Variants in ZNF385D observed in about 807,000 individuals in gnomAD.
ZNF385D encodes zinc finger protein 385D, also known as zinc finger protein 659.
In ZNF385D, 15 loss-of-function variants were observed where a neutral mutation model predicts 35.8. The observed-to-expected ratio is 0.42, with a 90% confidence interval of 0.28 to 0.64. ZNF385D has a LOEUF of 0.64. Ranked by LOEUF, ZNF385D falls within the 30% of genes least tolerant of loss-of-function variation. The probability of loss-of-function intolerance (pLI) is 0.23; values close to 1 mark genes in which losing one functional copy is unlikely to be tolerated. For synonymous variants in ZNF385D, 212 were observed against 186.8 expected (o/e 1.13, Z -1.10); for missense variants, 474 against 494.6 (o/e 0.96, Z 0.39).
chr3:21,674,911 GATGGATGGATGGATGGATGGATGC>G (rs1453670896), intron 1 of ZNF385D, among the ~76,000 whole-genome samples: 5 of 150,484 alleles, frequency 3.3e-5, no homozygotes, highest in African/African-American at 1.2e-4. Flanking sequence ...TGGATGGATG[GATGGATGGATGGATGGATGGATGC>G]ATGGATGGAT....
At chr3:21,495,221 G>A (rs1705739050) in intron 4 of ZNF385D, among the ~76,000 whole-genome samples, 1 of 151,518 alleles carries the variant, frequency 6.6e-6, no homozygotes, top group Admixed American at 6.6e-5. Flanking sequence ...TGAAGGGTAA[G>A]AATGATTTTT....
At chr3:22,042,722 G>C (rs1246933640) in intron 3 of ZNF385D, among the ~76,000 whole-genome samples, 3 of 152,000 alleles carry the variant, frequency 2.0e-5, no homozygotes, top group Admixed American at 6.6e-5. Context: ...GTATTGGCCA[G>C]AACTAAGTAA....
intron 2 of ZNF385D, among the ~76,000 whole-genome samples, chr3:21,588,325 A>G (rs2063872550): frequency 6.6e-6 from 1 of 152,170 alleles, no homozygotes. Flanking sequence ...TAAGACTTTC[A>G]TCTCATAGCT....
intron 3 of ZNF385D, among the ~76,000 whole-genome samples, chr3:22,049,383 G>A (rs1699207496): frequency 6.6e-6 from 1 of 151,870 alleles, no homozygotes; most frequent in Non-Finnish European, 1.5e-5. Flanking sequence ...CAACTTTACT[G>A]TAGTTGTTTA....
intron 2 of ZNF385D, among the ~76,000 whole-genome samples, chr3:21,617,245 A>C (rs1189595117): frequency 6.6e-6 from 1 of 152,222 alleles, no homozygotes; most frequent in East Asian, 1.9e-4. Context: ...TCATGTGCTC[A>C]AAACAATAAC....
intron 3 of ZNF385D, among the ~76,000 whole-genome samples, chr3:21,992,599 G>A (rs933081999): frequency 6.6e-6 from 1 of 152,138 alleles, no homozygotes; most frequent in Non-Finnish European, 1.5e-5. Flanking sequence ...TTAATAGTTT[G>A]TGATGAAGAT....
intron 3 of ZNF385D, among the ~76,000 whole-genome samples, chr3:21,982,063 T>A (rs376373075): frequency 1.4e-5 from 2 of 147,704 alleles, no homozygotes; most frequent in African/African-American, 2.5e-5. Flanking sequence ...TTTGGTTCCA[T>A]TTGAATTTTA....
At chr3:22,289,997 T>C (rs1432544805) in intron 2 of ZNF385D, among the ~76,000 whole-genome samples, 1 of 152,042 alleles carries the variant, frequency 6.6e-6, no homozygotes, top group East Asian at 1.9e-4. Flanking sequence ...AAGCTTTGAG[T>C]TTTAGCCCCT....
Position 21,788,727 on chromosome 3 carries a change from T to A in ZNF385D, c.326-123699A>T, listed in dbSNP as rs111332685. On this transcript the variant is annotated intron_variant, in intron 3 of 5. Transcript: ENST00000494108. Reference sequence around the variant, plus strand: ...AGAATAAACTCCTCCATGCTCTTCCTCTCCACTGTAAGACATGCTTCATTC... The same window carrying A: ...AGAATAAACTCCTCCATGCTCTTCCACTCCACTGTAAGACATGCTTCATTC... 5.2e-3 allele frequency among the ~76,000 whole-genome samples: 786 copies of A among 152,342 alleles called. 6 individuals carry two copies. Among genetic ancestry groups the A allele is most frequent in the African/African-American group, 0.017 (706 of 41,580 alleles).
chr3:22,030,458 AGAGGGAGG>A (rs1285021326), intron 3 of ZNF385D, among the ~76,000 whole-genome samples: 1 of 150,512 alleles, frequency 6.6e-6, no homozygotes, highest in Non-Finnish European at 1.5e-5. Flanking sequence ...AGGGAGAGAG[AGAGGGAGG>A]GAGAGAGAGA....
chr3:21,461,189 C>T (rs756528106), intron 4 of ZNF385D, among the ~76,000 whole-genome samples: 18 of 152,114 alleles, frequency 1.2e-4, no homozygotes, highest in Non-Finnish European at 2.5e-4. Flanking sequence ...TCTTCAAAAT[C>T]ATTTTGAAGT....
intron 1 of ZNF385D, among the ~76,000 whole-genome samples, chr3:21,745,364 G>GT (rs2069718466): frequency 2.0e-5 from 3 of 152,180 alleles, no homozygotes; most frequent in African/African-American, 7.2e-5. Flanking sequence ...TGCATTTGAG[G>GT]TTTTGGAATC....
intron 2 of ZNF385D, among the ~76,000 whole-genome samples, chr3:22,268,018 C>T (rs1038421016): frequency 1.3e-5 from 2 of 151,818 alleles, no homozygotes; most frequent in Non-Finnish European, 2.9e-5. Context: ...TCTTTCTTTC[C>T]TTTTGCAAAG....
At chr3:21,936,952 C>T (rs914754061) in intron 3 of ZNF385D, among the ~76,000 whole-genome samples, 9 of 152,080 alleles carry the variant, frequency 5.9e-5, no homozygotes, top group Admixed American at 3.3e-4. Context: ...TTGTTAACAT[C>T]TCAACTGTTC....
intron 2 of ZNF385D, among the ~76,000 whole-genome samples, chr3:22,338,575 T>C (rs1462850864): frequency 1.3e-5 from 2 of 152,130 alleles, no homozygotes; most frequent in Non-Finnish European, 2.9e-5. Context: ...GCTCTAGATA[T>C]GTCTTATCTT....
intron 2 of ZNF385D, among the ~76,000 whole-genome samples, chr3:22,261,280 A>G (rs1283948002): frequency 6.6e-6 from 1 of 152,024 alleles, no homozygotes; most frequent in Admixed American, 6.6e-5. Flanking sequence ...ACAGACTGTA[A>G]CATTATAGTT....
At chr3:22,203,417 C>A (rs1696936883) in intron 2 of ZNF385D, among the ~76,000 whole-genome samples, 2 of 152,126 alleles carry the variant, frequency 1.3e-5, no homozygotes, top group African/African-American at 2.4e-5. Flanking sequence ...GTGGGCTATA[C>A]CGGCTTCAAA....
At chr3:21,579,881 T>G (rs2063603464) in intron 2 of ZNF385D, 1 of 152,116 alleles carries the variant, frequency 6.6e-6, no homozygotes, top group African/African-American at 2.4e-5. Context: ...TTTCTCCTTT[T>G]ATAAGGCTAC....
intron 3 of ZNF385D, among the ~76,000 whole-genome samples, chr3:21,950,921 C>G (rs1300704476): frequency 6.6e-6 from 1 of 151,636 alleles, no homozygotes; most frequent in African/African-American, 2.4e-5. Context: ...GTTTTGGTAC[C>G]TGTACCATGC....
Sources: allele counts gnomAD v4.1 joint callset (sites outside exome capture counted in the v4.1 genomes callset), GRCh38; gene constraint gnomAD v4.1.1; transcripts MANE v1.5; gene names NCBI Gene and HGNC (gene_info 2026-07-23, HGNC 2026-07-21).